The following SDHAF4 variants were observed in gnomAD, a reference collection of about 807,000 sequenced individuals.
The protein encoded by SDHAF4 is succinate dehydrogenase complex assembly factor 4.
In SDHAF4, 14 loss-of-function variants were observed where a neutral mutation model predicts 14.3. The observed-to-expected ratio is 0.98, with a 90% CI of 0.65 to 1.53. The LOEUF is 1.53. Ranked by LOEUF, SDHAF4 falls within the 40% of genes most tolerant of loss-of-function variation. The pLI is 0.00. For synonymous variants in SDHAF4, 63 were observed against 47.3 expected, an observed-to-expected ratio of 1.33 and a Z score of -1.36; for missense variants, 141 against 129.3, an observed-to-expected ratio of 1.09 and a Z score of -0.44.
intron 2 of SDHAF4, among the ~76,000 whole-genome samples, chr6:70,588,377 G>C (rs1216343916): frequency 6.6e-6 from 1 of 152,114 alleles, no homozygotes; most frequent in African/African-American, 2.4e-5. Context: ...AAAATTAGTT[G>C]GGCGTGGTGG....
chr6:70,580,037 G>T (rs1691795967), intron 2 of SDHAF4, among the ~76,000 whole-genome samples: 1 of 151,262 alleles, frequency 6.6e-6, no homozygotes, highest in African/African-American at 2.5e-5. Flanking sequence ...TATATATTTT[G>T]CTATATGAAT....
chr6:70,582,775 T>C (rs1337218555), intron 2 of SDHAF4, among the ~76,000 whole-genome samples: 1 of 152,198 alleles, frequency 6.6e-6, no homozygotes, highest in Non-Finnish European at 1.5e-5. Context: ...AGGGCCCAAA[T>C]TCAAGCTGTC....
intron 1 of SDHAF4, among the ~76,000 whole-genome samples, chr6:70,569,976 C>G (rs1193253888): frequency 6.6e-6 from 1 of 152,052 alleles, no homozygotes; most frequent in Non-Finnish European, 1.5e-5. Context: ...ACACTTGTCC[C>G]AGGTTCATGT....
At chr6:70,586,883 A>C (rs1765207082) in intron 2 of SDHAF4, among the ~76,000 whole-genome samples, 4 of 152,194 alleles carry the variant, frequency 2.6e-5, no homozygotes, top group Admixed American at 6.5e-5. Flanking sequence ...ATTAGGGGCC[A>C]GGCGGCCGGG....
intron 2 of SDHAF4, among the ~76,000 whole-genome samples, chr6:70,586,428 C>CTTTTTT (rs70990316): frequency 1.5e-4 from 12 of 80,306 alleles, no homozygotes; most frequent in Non-Finnish European, 2.0e-4. Flanking sequence ...ATTTGTTTGC[C>CTTTTTT]TTTTTTTTTT....
downstream of SDHAF4, among the ~76,000 whole-genome samples, chr6:70,592,044 C>T (rs375153459): frequency 3.0e-4 from 46 of 152,350 alleles, no homozygotes; most frequent in African/African-American, 7.9e-4. Flanking sequence ...TGATGCCCTG[C>T]GCTGCCTCAG....
intron 1 of SDHAF4, among the ~76,000 whole-genome samples, chr6:70,577,652 C>T (rs187670329): frequency 2.6e-5 from 4 of 152,270 alleles, no homozygotes; most frequent in Admixed American, 2.6e-4. Flanking sequence ...CGAATAATCC[C>T]ATCACCCAGG....
chr6:70,575,103 C>G (rs1802236328), intron 1 of SDHAF4, among the ~76,000 whole-genome samples: 1 of 152,190 alleles, frequency 6.6e-6, no homozygotes, highest in Admixed American at 6.5e-5. Context: ...GAAGGCTTTG[C>G]ACCATGGCTT....
intron 2 of SDHAF4, among the ~76,000 whole-genome samples, chr6:70,584,911 A>G (rs1765178795): frequency 6.6e-6 from 1 of 152,208 alleles, no homozygotes; most frequent in South Asian, 2.1e-4. Flanking sequence ...TGAACCAGAT[A>G]TTGATCCCAT....
intron 2 of SDHAF4, among the ~76,000 whole-genome samples, chr6:70,587,032 A>G (rs1206571688): frequency 6.6e-6 from 1 of 152,050 alleles, no homozygotes; most frequent in Non-Finnish European, 1.5e-5. Context: ...TTAGCTGGGC[A>G]TGGTGGTGCA....
At chr6:70,574,924 G>A (rs1010597481) in intron 1 of SDHAF4, among the ~76,000 whole-genome samples, 2 of 151,428 alleles carry the variant, frequency 1.3e-5, no homozygotes, top group African/African-American at 2.4e-5. Context: ...CAAGACCCTT[G>A]TTTCAAAAAA....
rs202098262 is a variant in SDHAF4 at position 70,573,264 on chromosome 6, C to CTTTTTTTTTTTTTTT, written c.65-6147_65-6133dup. 5.4e-4 allele frequency among the ~76,000 whole-genome samples: 60 copies of CTTTTTTTTTTTTTTT among 110,426 alleles called. 2 individuals carry two copies. The highest frequency in any genetic ancestry group is 1.1e-3 in the African/African-American group (23 of 21,894). The allele number at this position is 110,426 out of a possible 152,430, so 72.4% of individuals were successfully genotyped here. On this transcript the variant is annotated intron_variant, in intron 1 of 2. Coordinates refer to ENST00000370474, the MANE Select transcript of SDHAF4 (RefSeq NM_145267.3). ...AATTGTATTTATTCTGCTATTTGGC[C>CTTTTTTTTTTTTTTT]TTTTTTTTTTTTTTTTTGAGACGGA...
chr6:70,570,506 A>G (rs1190900412), intron 1 of SDHAF4, among the ~76,000 whole-genome samples: 1 of 151,904 alleles, frequency 6.6e-6, no homozygotes, highest in African/African-American at 2.4e-5. Context: ...TATTTTTTTT[A>G]GAGATGGGGT....
At chr6:70,576,037 G>GGTTAATTGTTAATAGGCAGAATTAAC (rs1802251682) in intron 1 of SDHAF4, among the ~76,000 whole-genome samples, 1 of 152,194 alleles carries the variant, frequency 6.6e-6, no homozygotes, top group Non-Finnish European at 1.5e-5. Context: ...GAATTAACAG[G>GGTTAATTGTTAATAGGCAGAATTAAC]AGTGGTCCTT....
downstream of SDHAF4, among the ~76,000 whole-genome samples, chr6:70,592,698 G>A (rs765615619): frequency 1.3e-5 from 2 of 152,136 alleles, no homozygotes; most frequent in Admixed American, 1.3e-4. Flanking sequence ...CACTTACATT[G>A]AACTGCAAAA....
At chr6:70,579,710 A>G in intron 2 of SDHAF4, 144 bp downstream of exon 2, 1 of 576,118 alleles carries the variant, frequency 1.7e-6, no homozygotes, top group Non-Finnish European at 2.8e-6. Flanking sequence ...TAAAATCACC[A>G]TATTGACCAT....
chr6:70,568,034 A>G (rs1802126811), intron 1 of SDHAF4, among the ~76,000 whole-genome samples: 1 of 152,220 alleles, frequency 6.6e-6, no homozygotes, highest in Admixed American at 6.5e-5. Context: ...ATGTAAGTTG[A>G]AAACAGTAAT....
At chr6:70,574,056 C>T (rs1289567224) in intron 1 of SDHAF4, among the ~76,000 whole-genome samples, 1 of 151,968 alleles carries the variant, frequency 6.6e-6, no homozygotes, top group African/African-American at 2.4e-5. Flanking sequence ...CACGGTGGCT[C>T]ATGCCTGTAA....
chr6:70,592,136 A>T (rs1054680582), downstream of SDHAF4, among the ~76,000 whole-genome samples: 1 of 152,232 alleles, frequency 6.6e-6, no homozygotes, highest in Non-Finnish European at 1.5e-5. Context: ...CTCCAAAACC[A>T]TAAGAAATAA....
Sources: allele counts gnomAD v4.1 joint callset (sites outside exome capture counted in the v4.1 genomes callset), GRCh38; gene constraint gnomAD v4.1.1; transcripts MANE v1.5; gene names NCBI Gene and HGNC (gene_info 2026-07-23, HGNC 2026-07-21).